Variants in GLRA1 observed in about 807,000 individuals in gnomAD.
The protein encoded by GLRA1 is glycine receptor alpha 1, also known as glycine receptor subunit alpha-1.
In GLRA1, 37 loss-of-function variants were observed where a neutral mutation model predicts 48.3. The observed-to-expected ratio is 0.77, with a 90% CI of 0.59 to 1.01. GLRA1 has a LOEUF of 1.01. Ranked by LOEUF, GLRA1 falls within the 50% of genes least tolerant of loss-of-function variation. The probability of loss-of-function intolerance (pLI) is 0.00; values close to 1 mark genes in which losing one functional copy is unlikely to be tolerated. For synonymous variants in GLRA1, 196 were observed against 210.7 expected (o/e 0.93, Z 0.60); for missense variants, 427 against 571.0 (o/e 0.75, Z 2.57).
chr5:151,920,211 T>A (rs540270498), intron 1 of GLRA1, among the ~76,000 whole-genome samples: 3 of 152,212 alleles, frequency 2.0e-5, no homozygotes, highest in African/African-American at 2.4e-5. Flanking sequence ...CTGCCTTTGA[T>A]GAAGATCTTA....
chr5:151,892,761 T>C (rs1754111584), intron 1 of GLRA1, among the ~76,000 whole-genome samples: 1 of 152,156 alleles, frequency 6.6e-6, no homozygotes, highest in African/African-American at 2.4e-5. Context: ...GGAGGGTTAG[T>C]CTTTTGGTAG....
chr5:151,825,173 AG>A (rs1316610592), intron 8 of GLRA1, among the ~76,000 whole-genome samples: 41 of 152,204 alleles, frequency 2.7e-4, no homozygotes, highest in African/African-American at 9.9e-4. Flanking sequence ...ATTCAATGCC[AG>A]GGCCAAGGAG....
chr5:151,895,830 G>A (rs1463308449), intron 1 of GLRA1, among the ~76,000 whole-genome samples: 2 of 152,072 alleles, frequency 1.3e-5, no homozygotes, highest in Non-Finnish European at 2.9e-5. Context: ...CTCTGGTGTG[G>A]GCAGAGGGGA....
intron 3 of GLRA1, among the ~76,000 whole-genome samples, chr5:151,877,685 T>C (rs1176578846): frequency 6.6e-6 from 1 of 152,172 alleles, no homozygotes; most frequent in Non-Finnish European, 1.5e-5. Context: ...GTTCTCGTGA[T>C]AGTGAATAAG....
Position 151,828,989 on chromosome 5 carries a change from C to T in GLRA1, c.991G>A (p.Ala331Thr). 6.2e-7 allele frequency: 1 copy of T among 1,614,144 alleles called. No homozygotes were observed. The highest frequency in any genetic ancestry group is 8.5e-7 in the Non-Finnish European group (1 of 1,180,002). Residue 331 changes from alanine to threonine, a missense_variant, in exon 8 of 9, where the codon GCC becomes ACC. Transcript: ENST00000274576. Reference sequence around the variant, plus strand: ...TGTTGCCGAGACACAAAGTTAACGGCAGCATATTCTAATAGGGCTGAGAAC... The same window carrying T: ...TGTTGCCGAGACACAAAGTTAACGGTAGCATATTCTAATAGGGCTGAGAAC... ...FVFSALLEYAAVNFVSRQHKE... is the reference protein window; with the variant it reads ...FVFSALLEYATVNFVSRQHKE...
intron 8 of GLRA1, among the ~76,000 whole-genome samples, chr5:151,824,189 G>A (rs1040631207): frequency 6.6e-6 from 1 of 151,510 alleles, no homozygotes; most frequent in African/African-American, 2.4e-5. Flanking sequence ...GTAGAGATGG[G>A]GGTCTCGCTA....
chr5:151,899,493 T>C (rs1487705755), intron 1 of GLRA1, among the ~76,000 whole-genome samples: 1 of 152,106 alleles, frequency 6.6e-6, no homozygotes, highest in South Asian at 2.1e-4. Context: ...CCTGGGCTTC[T>C]GGGAAGAGGT....
intron 3 of GLRA1, among the ~76,000 whole-genome samples, chr5:151,885,895 G>A (rs1004402570): frequency 6.6e-6 from 1 of 152,124 alleles, no homozygotes; most frequent in East Asian, 1.9e-4. Context: ...GGAAGCCAAC[G>A]AGAACCCTTT....
chr5:151,823,295 C>T (rs1763190476), intron 8 of GLRA1, among the ~76,000 whole-genome samples: 1 of 152,136 alleles, frequency 6.6e-6, no homozygotes, highest in African/African-American at 2.4e-5. Context: ...ATTTTTATTT[C>T]ATTTTTTCTT....
chr5:151,822,844 G>A lies in GLRA1; in HGVS notation c.1179C>T (p.Pro393=), dbSNP rs772443569. The change falls in exon 9 of 9, where the codon CCC becomes CCT. Residue 393 remains proline (P), a synonymous_variant. Transcript: ENST00000274576. ...CTGGGGACTTAGATGGTGCAGGAGG[G>A]GGGTTGGTGGTGTTACTGTTGTTGG... ...KGANNSNTTN[P]PPAPSKSPEE... is the part of the protein sequence containing the mutation. 78 of 1,614,032 alleles carry A rather than the reference G, an allele frequency of 4.8e-5. No homozygotes were observed. In the Admixed American group the frequency reaches 1.3e-3, roughly 27 times the overall value.
intron 1 of GLRA1, among the ~76,000 whole-genome samples, chr5:151,920,429 C>A (rs1581669358): frequency 6.6e-6 from 1 of 152,158 alleles, no homozygotes; most frequent in Non-Finnish European, 1.5e-5. Flanking sequence ...ATAAGACAAT[C>A]TAAAGAAAAC....
At chr5:151,907,961 T>C (rs1228009703) in intron 1 of GLRA1, among the ~76,000 whole-genome samples, 3 of 152,166 alleles carry the variant, frequency 2.0e-5, no homozygotes, top group Non-Finnish European at 4.4e-5. Context: ...ACTTTCCCCA[T>C]AGCCTGGGAA....
chr5:151,824,857 A>G (rs1042666287), intron 8 of GLRA1, among the ~76,000 whole-genome samples: 4 of 149,440 alleles, frequency 2.7e-5, no homozygotes, highest in East Asian at 3.8e-4. Context: ...CACTGAACAT[A>G]TGAACATAGT....
At chr5:151,847,315 G>C (rs1752700407) in intron 7 of GLRA1, among the ~76,000 whole-genome samples, 2 of 152,232 alleles carry the variant, frequency 1.3e-5, no homozygotes, top group East Asian at 3.8e-4. Flanking sequence ...AGCATTAAAA[G>C]AGAGTGAAGT....
At chr5:151,922,571 G>A (rs568709339) in intron 1 of GLRA1, among the ~76,000 whole-genome samples, 2 of 152,180 alleles carry the variant, frequency 1.3e-5, no homozygotes, top group Non-Finnish European at 2.9e-5. Context: ...TTATAAACAC[G>A]TAGAATTATA....
chr5:151,913,172 G>A (rs1042505836), intron 1 of GLRA1, among the ~76,000 whole-genome samples: 6 of 152,206 alleles, frequency 3.9e-5, no homozygotes, highest in Admixed American at 6.5e-5. Context: ...GTGGGACTTC[G>A]TGTATCTATC....
At chr5:151,912,074 A>G (rs911913494) in intron 1 of GLRA1, among the ~76,000 whole-genome samples, 3 of 152,194 alleles carry the variant, frequency 2.0e-5, no homozygotes, top group African/African-American at 7.2e-5. Context: ...AGGGGAAGGA[A>G]AATCTTGCTC....
In GLRA1 at chr5:151,822,721, G is replaced by T; in HGVS notation, c.1302C>A (p.Tyr434Ter). ...PMAFLIFNMFYWIIYKIVRRE... is the reference protein window; with the variant it reads ...PMAFLIFNMF The stretch of plus-strand genomic sequence containing the variant: ...TACGGACAATCTTGTAGATGATCCA[G>T]TAGAACATGTTGAAAATGAGGAAGG... The change falls in exon 9 of 9, where the codon TAC (tyrosine) becomes TAA (stop). Residue 434 changes from tyrosine (Y) to a stop codon, truncating the protein, a stop_gained. Coordinates refer to ENST00000274576, the MANE Select transcript of GLRA1 (RefSeq NM_000171.4). LOFTEE classifies it high-confidence loss of function. 6.2e-7 allele frequency: 1 copy of T among 1,613,872 alleles called. No individual in the cohort carries two copies. Among genetic ancestry groups the T allele is most frequent in the Non-Finnish European group, 8.5e-7 (1 of 1,179,774 alleles).
intron 7 of GLRA1, among the ~76,000 whole-genome samples, chr5:151,836,339 C>T (rs767192749): frequency 1.2e-4 from 18 of 152,206 alleles, no homozygotes; most frequent in Admixed American, 9.2e-4. Flanking sequence ...ATTCCATGCT[C>T]ATGGATAGGA....
Sources: allele counts gnomAD v4.1 joint callset (sites outside exome capture counted in the v4.1 genomes callset), GRCh38; gene constraint gnomAD v4.1.1; transcripts MANE v1.5; gene names NCBI Gene and HGNC (gene_info 2026-07-23, HGNC 2026-07-21).